CRB1: variants seen among roughly 807,000 people sequenced by gnomAD.
CRB1 encodes protein crumbs homolog 1.
A neutral mutation model predicts 120.0 loss-of-function variants in CRB1; 83 were observed. That is an observed-to-expected ratio of 0.69 (90% confidence interval 0.58 to 0.83). The LOEUF (loss-of-function observed/expected upper bound fraction) is 0.83. CRB1 is among the 40% of genes least tolerant of loss of function. CRB1 has a pLI of 0.00. For synonymous variants in CRB1, 625 were observed against 612.5 expected (o/e 1.02, Z -0.30); for missense variants, 1,699 against 1,687.6 (o/e 1.01, Z -0.12).
At chr1:197,375,510 C>A (rs1428344777) in intron 5 of CRB1, among the ~76,000 whole-genome samples, 1 of 152,098 alleles carries the variant, frequency 6.6e-6, no homozygotes, top group Non-Finnish European at 1.5e-5. Context: ...TGGTAAGGAT[C>A]TTGCATTCTT....
chr1:197,367,676 A>AT (rs1661147770), intron 5 of CRB1, among the ~76,000 whole-genome samples: 1 of 152,018 alleles, frequency 6.6e-6, no homozygotes. Context: ...TCCAAGTCCA[A>AT]TTTTCATTTC....
the CRB1 span, chr1:197,223,101 A>G: frequency 9.8e-6 from 8 of 814,764 alleles, no homozygotes; most frequent in Admixed American, 1.0e-4. Context: ...CTTGCGTATA[A>G]TTTTGAATAT....
chr1:197,254,169 A>G, the CRB1 span, among the ~76,000 whole-genome samples: 3 of 152,204 alleles, frequency 2.0e-5, no homozygotes, highest in South Asian at 4.1e-4. Flanking sequence ...TGTATTTGAT[A>G]GAAAGCTTCC....
chr1:197,211,094 T>G, the CRB1 span, among the ~76,000 whole-genome samples: 1 of 152,196 alleles, frequency 6.6e-6, no homozygotes, highest in Admixed American at 6.5e-5. Context: ...ATGTTCAACA[T>G]TTATACACAA....
chr1:197,314,169 G>T (rs1055225421), intron 1 of CRB1, among the ~76,000 whole-genome samples: 7 of 152,076 alleles, frequency 4.6e-5, no homozygotes, highest in African/African-American at 1.7e-4. Flanking sequence ...GAACCTACTT[G>T]GAATTATCCC....
At chr1:197,232,332 A>G in the CRB1 span, among the ~76,000 whole-genome samples, 1 of 152,188 alleles carries the variant, frequency 6.6e-6, no homozygotes, top group Non-Finnish European at 1.5e-5. Flanking sequence ...TGGGAAATCA[A>G]TACACTTAAA....
chr1:197,425,457 G>C (rs1360561180), intron 6 of CRB1, among the ~76,000 whole-genome samples: 1 of 152,130 alleles, frequency 6.6e-6, no homozygotes, highest in Non-Finnish European at 1.5e-5. Context: ...CCAAACTTCA[G>C]CTGGGCCATA....
At chr1:197,436,816 GACC>G (rs1255734319) in intron 9 of CRB1, among the ~76,000 whole-genome samples, 20 of 152,120 alleles carry the variant, frequency 1.3e-4, no homozygotes, top group Non-Finnish European at 7.4e-5. Context: ...ATAAGGCACA[GACC>G]ACTGCAAAAG....
intron 1 of CRB1, among the ~76,000 whole-genome samples, chr1:197,298,947 A>G (rs867858416): frequency 2.6e-5 from 4 of 152,188 alleles, no homozygotes; most frequent in East Asian, 3.8e-4. Flanking sequence ...CATTACCTCA[A>G]TGTAGGAATA....
intron 1 of CRB1, among the ~76,000 whole-genome samples, chr1:197,313,705 C>G (rs1657681464): frequency 6.6e-6 from 1 of 152,116 alleles, no homozygotes; most frequent in Non-Finnish European, 1.5e-5. Flanking sequence ...TGATATTTGT[C>G]TTTCTGTGCC....
chr1:197,398,684 G>T (rs1007396978), intron 5 of CRB1, among the ~76,000 whole-genome samples: 1 of 152,044 alleles, frequency 6.6e-6, no homozygotes, highest in Non-Finnish European at 1.5e-5. Context: ...AAAAGGAAGA[G>T]GTTTGGGTAT....
chr1:197,241,815 C>T, the CRB1 span, among the ~76,000 whole-genome samples: 4 of 151,920 alleles, frequency 2.6e-5, no homozygotes, highest in Non-Finnish European at 5.9e-5. Context: ...TTGATTCTTC[C>T]CATCCATGAG....
intron 6 of CRB1, among the ~76,000 whole-genome samples, chr1:197,425,789 A>T (rs1664551052): frequency 6.6e-6 from 1 of 151,846 alleles, no homozygotes; most frequent in Admixed American, 6.6e-5. Context: ...CCAAGGACTT[A>T]CTTCTTGGAC....
intron 1 of CRB1, among the ~76,000 whole-genome samples, chr1:197,306,803 C>A (rs1657199543): frequency 6.6e-6 from 1 of 152,158 alleles, no homozygotes; most frequent in Non-Finnish European, 1.5e-5. Flanking sequence ...CATCTACAGT[C>A]ATTTTCACAG....
chr1:197,379,595 C>T (rs566135001), intron 5 of CRB1, among the ~76,000 whole-genome samples: 289 of 136,190 alleles, frequency 2.1e-3, no homozygotes, highest in Middle Eastern at 8.1e-3. Context: ...CCACCAAGCC[C>T]GGCCCCGGCC....
chr1:197,477,656 C>G lies in CRB1; in HGVS notation c.4006-8C>G. ...GAATTCGCATCCCAATGATTTCAAT[C>G]TTTCCAGTTGGCAGATGACTTGATC... On this transcript the variant is annotated splice_polypyrimidine_tract_variant and splice_region_variant and intron_variant, in intron 11 of 11. Coordinates refer to ENST00000367400, the MANE Select transcript of CRB1 (RefSeq NM_201253.3). The G allele has an allele frequency of 6.2e-7, 1 of 1,612,876 alleles. No homozygotes were observed. The highest frequency in any genetic ancestry group is 2.2e-5 in the East Asian group (1 of 44,862).
chr1:197,314,603 G>T (rs1054943218), intron 1 of CRB1, among the ~76,000 whole-genome samples: 2 of 152,138 alleles, frequency 1.3e-5, no homozygotes, highest in Non-Finnish European at 2.9e-5. Flanking sequence ...TCCTTTAAAA[G>T]ATTTGGAATT....
intron 1 of CRB1, among the ~76,000 whole-genome samples, chr1:197,316,888 G>A (rs558597878): frequency 1.4e-5 from 2 of 141,678 alleles, no homozygotes; most frequent in East Asian, 2.1e-4. Flanking sequence ...AAGCAAGAAA[G>A]CAATTTCACT....
At chr1:197,225,132 A>G in the CRB1 span, among the ~76,000 whole-genome samples, 2 of 152,054 alleles carry the variant, frequency 1.3e-5, no homozygotes, top group Non-Finnish European at 2.9e-5. Flanking sequence ...ATGTGCCAAG[A>G]TTTCTTGTCC....
Sources: gnomAD v4.1 joint callset for allele counts (sites outside exome capture counted in the v4.1 genomes callset) on GRCh38, gnomAD v4.1.1 for gene constraint, MANE v1.5 for transcripts, NCBI Gene and HGNC (gene_info 2026-07-23, HGNC 2026-07-21) for gene names.